MYH9: variants seen among roughly 807,000 people sequenced by gnomAD.
MYH9 encodes myosin-9.
A neutral mutation model predicts 241.9 loss-of-function variants in MYH9; 29 were observed. The observed-to-expected ratio is 0.12, with a 90% CI of 0.09 to 0.16. The LOEUF (loss-of-function observed/expected upper bound fraction) is 0.16, where lower values mean the gene tolerates loss of function less well. Ranked by LOEUF, MYH9 falls within the 10% of genes least tolerant of loss-of-function variation. MYH9 has a pLI of 1.00. For missense variants in MYH9, 1,803 were observed against 2,595.5 expected (o/e 0.69, Z 6.63); for synonymous variants, 1,047 against 1,062.6 (o/e 0.99, Z 0.29).
intron 12 of MYH9, among the ~76,000 whole-genome samples, chr22:36,316,194 C>T (rs533356048): frequency 1.7e-4 from 26 of 151,814 alleles, no homozygotes; most frequent in African/African-American, 6.1e-4. Flanking sequence ...TGCGCCACCA[C>T]GCCCGGCTAA....
rs2146347550 is a variant in MYH9, at chr22:36,305,227, TC to T, written c.2160-126del. On this transcript the variant is annotated intron_variant, in intron 17 of 40. Transcript: ENST00000216181. The surrounding 1 kb of genome is among the most constrained non-coding windows in gnomAD (Gnocchi z 4.7). ...GACACAGAATTCTTTACACAAACTC[TC>T]CTAAGGAAAGAAGACACAGGCAAAT... 1.1e-6 allele frequency: 1 copy of T among 879,166 alleles called. No homozygotes were observed. The highest frequency in any genetic ancestry group is 2.7e-5 in the East Asian group (1 of 37,454). 54.5% of individuals were successfully genotyped at this position (879,166 alleles called of 1,614,324 possible). A position where few individuals can be genotyped will look rare whatever the true frequency, so the allele number is the denominator to read the frequency against.
rs767461889 is a variant in MYH9 at position 36,300,196 on chromosome 22, G to T, written c.2907C>A (p.Thr969=). The T allele has an allele frequency of 3.7e-6, 6 of 1,613,348 alleles. No homozygotes were observed. Among genetic ancestry groups the T allele is most frequent in the Non-Finnish European group, 5.1e-6 (6 of 1,180,006 alleles). ...CCTCCAGCTTTTTCAGCTTCGCCTC[G>T]GTGGTCACCTTCTCCAGCTGCAGCT... The part of the protein sequence containing the change: ...RQKLQLEKVT[T]EAKLKKLEEE... The change falls in exon 23 of 41, where the codon ACC becomes ACA. Residue 969 remains threonine (T), a synonymous_variant. Transcript: ENST00000216181. This position sits in a 1 kb window ranked among gnomAD's most constrained non-coding sequence, Gnocchi z 5.0.
intron 1 of MYH9, among the ~76,000 whole-genome samples, chr22:36,369,534 C>G (rs1175179011): frequency 6.6e-6 from 1 of 152,154 alleles, no homozygotes; most frequent in Non-Finnish European, 1.5e-5. Flanking sequence ...CCAGGTTCCC[C>G]ACAAGGACCA....
At chr22:36,359,839 A>T (rs766873428) in intron 1 of MYH9, among the ~76,000 whole-genome samples, 26 of 152,210 alleles carry the variant, frequency 1.7e-4, no homozygotes, top group Non-Finnish European at 2.4e-4. Context: ...GACAGACAGA[A>T]GTGGAAAAAC....
chr22:36,384,407 A>T (rs2018307292), intron 1 of MYH9, among the ~76,000 whole-genome samples: 1 of 149,114 alleles, frequency 6.7e-6, no homozygotes, highest in Non-Finnish European at 1.5e-5. Flanking sequence ...ACATGGTGAA[A>T]CCTCATCTCA....
chr22:36,301,711 C>T (rs1569535231), intron 20 of MYH9, 46 bp from the exon 21 acceptor site: 1 of 1,607,194 alleles, frequency 6.2e-7, no homozygotes, highest in Non-Finnish European at 8.5e-7. Context: ...TGGAAGATGC[C>T]CGCCTCTGCC....
Position 36,295,562 on chromosome 22 carries a change from G to A in MYH9, c.3428C>T (p.Ala1143Val), listed in dbSNP as rs1004670927. The A allele has an allele frequency of 2.5e-6, 4 of 1,613,780 alleles. No individual in the cohort carries two copies. The highest frequency in any genetic ancestry group is 2.2e-5 in the East Asian group (1 of 44,870). ...CGTGTCCTCCAACTCTGTTTTCAGA[G>A]CCTCTAGCTCTTCCCCAAGGTCCCG... is the stretch of plus-strand genomic sequence containing the variant. ...QKRDLGEELE[A>V]LKTELEDTLD... The change falls in exon 26 of 41, where the codon GCT (alanine) becomes GTT (valine). Residue 1143 changes from alanine to valine, a missense_variant. Ala to Val is a moderately conservative substitution (Grantham distance 64). This residue lies in a region of MYH9 where 11 missense variants were observed against 37.1 expected (regional missense o/e 0.30). Coordinates refer to ENST00000216181, the MANE Select transcript of MYH9 (RefSeq NM_002473.6). This position sits in a 1 kb window ranked among gnomAD's most constrained non-coding sequence, Gnocchi z 4.1.
In MYH9 at chr22:36,305,221, A is replaced by T; in HGVS notation, c.2160-119T>A. 1 of 903,628 alleles carries T rather than the reference A, an allele frequency of 1.1e-6. No homozygotes were observed. Among genetic ancestry groups the T allele is most frequent in the Admixed American group, 2.0e-5 (1 of 50,260 alleles). 56.0% of individuals were successfully genotyped at this position (903,628 alleles called of 1,614,324 possible). ...GCAACAGACACAGAATTCTTTACAC[A>T]AACTCTCCTAAGGAAAGAAGACACA... On this transcript the variant is annotated intron_variant, in intron 17 of 40. Coordinates refer to ENST00000216181, the MANE Select transcript of MYH9 (RefSeq NM_002473.6). The surrounding 1 kb of genome is among the most constrained non-coding windows in gnomAD (Gnocchi z 4.7).
At chr22:36,353,283 G>A (rs1268806569) in intron 1 of MYH9, among the ~76,000 whole-genome samples, 3 of 152,154 alleles carry the variant, frequency 2.0e-5, no homozygotes, top group Admixed American at 6.5e-5. Context: ...CGGGATACCC[G>A]GGAGGTAGTC....
intron 1 of MYH9, among the ~76,000 whole-genome samples, chr22:36,361,729 T>C (rs536712808): frequency 6.6e-6 from 1 of 152,112 alleles, no homozygotes. Flanking sequence ...TGGACTTTAT[T>C]CTAGGGATAA....
intron 3 of MYH9, among the ~76,000 whole-genome samples, chr22:36,333,606 C>T (rs1254834968): frequency 6.6e-6 from 1 of 152,204 alleles, no homozygotes; most frequent in African/African-American, 2.4e-5. Context: ...TGACAGAAGC[C>T]ACGTGCAGAA....
intron 25 of MYH9, among the ~76,000 whole-genome samples, chr22:36,296,123 C>T (rs2016783641): frequency 6.6e-6 from 1 of 152,224 alleles, no homozygotes; most frequent in Non-Finnish European, 1.5e-5. Context: ...AGACACAGCA[C>T]TGTGGTAGGG....
Position 36,326,680 on chromosome 22 carries a change from A to G in MYH9, c.519-19T>C, listed in dbSNP as rs1218922393. On this transcript the variant is annotated intron_variant, in intron 4 of 40. Coordinates refer to ENST00000216181, the MANE Select transcript of MYH9 (RefSeq NM_002473.6). Reference sequence around the variant, plus strand: ...TTCACCACTACCAAGAGAGGCAAGGAAGTCCCGGGCTTAGGCATGGCCAAG... The same window carrying G: ...TTCACCACTACCAAGAGAGGCAAGGGAGTCCCGGGCTTAGGCATGGCCAAG... 1 of 1,609,218 alleles carries G rather than the reference A, an allele frequency of 6.2e-7. No homozygotes were observed. Among genetic ancestry groups the G allele is most frequent in the Non-Finnish European group, 8.5e-7 (1 of 1,175,622 alleles).
At chr22:36,360,833 A>C (rs2017925793) in intron 1 of MYH9, among the ~76,000 whole-genome samples, 1 of 152,214 alleles carries the variant, frequency 6.6e-6, no homozygotes, top group South Asian at 2.1e-4. Flanking sequence ...TGAGATGGGC[A>C]CAAAGCCTGT....
chr22:36,334,196 G>C (rs2146377234), intron 3 of MYH9, among the ~76,000 whole-genome samples: 1 of 152,324 alleles, frequency 6.6e-6, no homozygotes, highest in South Asian at 2.1e-4. Flanking sequence ...CTGACAGGCA[G>C]GACCATGGGT....
Position 36,281,616 on chromosome 22 carries a change from C to G in MYH9, c.*1052G>C, listed in dbSNP as rs535136580. 5.6e-5 allele frequency: 13 copies of G among 230,654 alleles called. No homozygotes were observed. The South Asian group carries it at 2.2e-3, about 39-fold the overall frequency. 14.3% of individuals were successfully genotyped at this position (230,654 alleles called of 1,614,324 possible). ...TGTAGACCAGTGAGGACGAGCTACT[C>G]TCTTCTAAACAAAGGCAGTGAGAAA... On this transcript the variant is annotated 3_prime_UTR_variant, in exon 41 of 41. Coordinates refer to ENST00000216181, the MANE Select transcript of MYH9 (RefSeq NM_002473.6).
At chr22:36,309,245 C>A in intron 15 of MYH9, 37 bp downstream of exon 15, 1 of 1,566,162 alleles carries the variant, frequency 6.4e-7, no homozygotes, top group Non-Finnish European at 8.8e-7. Context: ...CCAGCCGCAG[C>A]CAAGAGGAGG....
At chr22:36,313,490 A>G (rs924787380) in intron 13 of MYH9, among the ~76,000 whole-genome samples, 2 of 149,568 alleles carry the variant, frequency 1.3e-5, no homozygotes, top group Non-Finnish European at 3.0e-5. Context: ...AAACCCAGAC[A>G]CAGGAACAGC....
At chr22:36,299,796 C>A (rs2016845412) in intron 23 of MYH9, among the ~76,000 whole-genome samples, 1 of 152,218 alleles carries the variant, frequency 6.6e-6, no homozygotes, top group Non-Finnish European at 1.5e-5. Context: ...ACAGAGCCAC[C>A]AAGGTGTCCC....
Sources: allele counts gnomAD v4.1 joint callset (sites outside exome capture counted in the v4.1 genomes callset), GRCh38; gene constraint gnomAD v4.1.1; regional missense constraint gnomAD v4.1.1; non-coding constraint Gnocchi (gnomAD v3.1); transcripts MANE v1.5; gene names NCBI Gene and HGNC (gene_info 2026-07-23, HGNC 2026-07-21).